The following ARHGAP15 variants were observed in gnomAD, a reference collection of about 807,000 sequenced individuals.
ARHGAP15 encodes Rho GTPase activating protein 15.
In ARHGAP15, 51 loss-of-function variants were observed where a neutral mutation model predicts 63.7. That is an observed-to-expected ratio of 0.80 (90% CI 0.64 to 1.01). The LOEUF is 1.01. Among genes scored for constraint, ARHGAP15 ranks in the 50% least tolerant of loss-of-function variants. ARHGAP15 has a pLI of 0.00. For missense variants in ARHGAP15, 560 were observed against 564.6 expected (o/e 0.99, Z 0.08); for synonymous variants, 191 against 193.8 (o/e 0.99, Z 0.12).
intron 1 of ARHGAP15, among the ~76,000 whole-genome samples, chr2:143,136,313 T>C (rs946163187): frequency 1.1e-4 from 16 of 152,118 alleles, no homozygotes; most frequent in Admixed American, 1.0e-3. Context: ...TTCAGTCTAA[T>C]ACTTCTTTTA....
intron 6 of ARHGAP15, among the ~76,000 whole-genome samples, chr2:143,387,487 T>G (rs1687335832): frequency 6.6e-6 from 1 of 152,204 alleles, no homozygotes. Context: ...GCACCCATTG[T>G]GAGCCAGGCC....
intron 12 of ARHGAP15, among the ~76,000 whole-genome samples, chr2:143,635,194 C>CCTTTTTTTTT (rs1680243710): frequency 3.7e-5 from 1 of 26,882 alleles, no homozygotes; most frequent in African/African-American, 1.7e-4. Context: ...CTCTCAGGAG[C>CCTTTTTTTTT]TTTTTTTTTT....
intron 6 of ARHGAP15, among the ~76,000 whole-genome samples, chr2:143,324,637 A>G (rs1034278141): frequency 6.6e-6 from 1 of 152,080 alleles, no homozygotes; most frequent in Non-Finnish European, 1.5e-5. Flanking sequence ...TCAAGCCATA[A>G]TCTTACGTTC....
chr2:143,228,351 T>C (rs1213824635), intron 4 of ARHGAP15, among the ~76,000 whole-genome samples: 1 of 152,130 alleles, frequency 6.6e-6, no homozygotes, highest in African/African-American at 2.4e-5. Context: ...GGAGGATCTA[T>C]AAATTAAGAA....
chr2:143,673,742 G>GTATATATA (rs1313470042), intron 12 of ARHGAP15, among the ~76,000 whole-genome samples: 9 of 25,946 alleles, frequency 3.5e-4, no homozygotes, highest in Non-Finnish European at 1.4e-3. Context: ...GTGTGTGTGT[G>GTATATATA]TGTGTGTGTG....
At chr2:143,432,969 T>C (rs986768069) in intron 6 of ARHGAP15, among the ~76,000 whole-genome samples, 8 of 152,012 alleles carry the variant, frequency 5.3e-5, no homozygotes, top group Non-Finnish European at 8.8e-5. Flanking sequence ...GCAAAACATA[T>C]AGAAAGAGTA....
chr2:143,641,516 T>A (rs1303156626), intron 12 of ARHGAP15, among the ~76,000 whole-genome samples: 3 of 152,128 alleles, frequency 2.0e-5, no homozygotes, highest in Admixed American at 2.0e-4. Flanking sequence ...TTACATCTCA[T>A]CAAAAGTTAC....
intron 2 of ARHGAP15, among the ~76,000 whole-genome samples, chr2:143,165,940 A>T (rs1165197689): frequency 7.7e-6 from 1 of 130,066 alleles, no homozygotes; most frequent in Admixed American, 7.8e-5. Context: ...AAAGAAAAGA[A>T]AAGAAGAAAG....
At chr2:143,131,360 G>A (rs1181451600) in intron 1 of ARHGAP15, among the ~76,000 whole-genome samples, 1 of 152,180 alleles carries the variant, frequency 6.6e-6, no homozygotes, top group Non-Finnish European at 1.5e-5. Context: ...AAGTTTTGAT[G>A]AAATGAAAAT....
intron 9 of ARHGAP15, among the ~76,000 whole-genome samples, chr2:143,492,795 G>A (rs565926877): frequency 1.1e-4 from 17 of 151,332 alleles, no homozygotes; most frequent in African/African-American, 3.2e-4. Context: ...GGTGGCTCAC[G>A]CCTGTAATCC....
intron 1 of ARHGAP15, among the ~76,000 whole-genome samples, chr2:143,143,565 TTC>T (rs201815290): frequency 0.23 from 30,965 of 134,658 alleles, 2,941 homozygotes; most frequent in East Asian, 0.35. Context: ...GCTATTTTCT[TTC>T]TTTTTTTTTT....
At chr2:143,342,791 C>T (rs1685114857) in intron 6 of ARHGAP15, among the ~76,000 whole-genome samples, 1 of 151,918 alleles carries the variant, frequency 6.6e-6, no homozygotes, top group Non-Finnish European at 1.5e-5. Flanking sequence ...AATATATGAT[C>T]ACTAGATACC....
At chr2:143,451,385 GAA>G (rs1489704521) in intron 8 of ARHGAP15, among the ~76,000 whole-genome samples, 1 of 151,844 alleles carries the variant, frequency 6.6e-6, no homozygotes, top group Admixed American at 6.6e-5. Flanking sequence ...AAGCCATCTA[GAA>G]AGTAGCACTT....
At chr2:143,493,660 T>C (rs1004341359) in intron 9 of ARHGAP15, among the ~76,000 whole-genome samples, 3 of 152,190 alleles carry the variant, frequency 2.0e-5, no homozygotes, top group African/African-American at 7.2e-5. Context: ...CCCCTGAGTA[T>C]CTTCTTCTAA....
chr2:143,587,893 G>A (rs1314350595), intron 11 of ARHGAP15: 1 of 304,720 alleles, frequency 3.3e-6, no homozygotes, highest in African/African-American at 2.2e-5. Flanking sequence ...GAAGTCTACT[G>A]TTGTTAGCAC....
chr2:143,558,317 C>A (rs941739877), intron 11 of ARHGAP15, among the ~76,000 whole-genome samples: 2 of 152,014 alleles, frequency 1.3e-5, no homozygotes, highest in Admixed American at 1.3e-4. Context: ...AGCTTCCAGC[C>A]TGGTAGATTT....
chr2:143,145,965 T>C (rs1426868577), intron 1 of ARHGAP15, among the ~76,000 whole-genome samples: 1 of 151,440 alleles, frequency 6.6e-6, no homozygotes, highest in Non-Finnish European at 1.5e-5. Context: ...TATTTCCAGA[T>C]GAATCATAGT....
intron 12 of ARHGAP15, among the ~76,000 whole-genome samples, chr2:143,638,687 TAAA>T (rs201447356): frequency 7.6e-6 from 1 of 132,334 alleles, no homozygotes; most frequent in South Asian, 2.4e-4. Flanking sequence ...AAAAAAATAT[TAAA>T]AAAAAAAAAA....
At chr2:143,147,032 G>T (rs1574008615) in intron 1 of ARHGAP15, among the ~76,000 whole-genome samples, 1 of 152,010 alleles carries the variant, frequency 6.6e-6, no homozygotes, top group African/African-American at 2.4e-5. Context: ...GCAACCAATG[G>T]GTGATTAGAT....
Sources: allele counts gnomAD v4.1 joint callset (sites outside exome capture counted in the v4.1 genomes callset), GRCh38; gene constraint gnomAD v4.1.1; transcripts MANE v1.5; gene names NCBI Gene and HGNC (gene_info 2026-07-23, HGNC 2026-07-21).